Variants in SLIT3 observed in about 807,000 individuals in gnomAD.
The protein encoded by SLIT3 is slit homolog 3 protein.
SLIT3 carries 68 observed loss-of-function variants against 184.0 expected under a neutral mutation model. The observed-to-expected ratio is 0.37, with a 90% CI of 0.30 to 0.45. The LOEUF is 0.45. SLIT3 is among the 20% of genes least tolerant of loss of function. The pLI is 1.00. For missense variants in SLIT3, 1,707 were observed against 2,026.0 expected (o/e 0.84, Z 3.02); for synonymous variants, 831 against 828.6 (o/e 1.00, Z -0.05).
intron 5 of SLIT3, among the ~76,000 whole-genome samples, chr5:168,877,136 A>C (rs780185791): frequency 4.7e-4 from 72 of 152,348 alleles, no homozygotes; most frequent in South Asian, 1.0e-3. Context: ...TCCAGAGACA[A>C]GTAATAACAG....
At chr5:169,002,711 T>C (rs1422568978) in intron 4 of SLIT3, among the ~76,000 whole-genome samples, 1 of 152,214 alleles carries the variant, frequency 6.6e-6, no homozygotes, top group Non-Finnish European at 1.5e-5. Flanking sequence ...TTTTTCCGTG[T>C]TTTTCTTCCT....
chr5:169,107,962 C>A (rs1760279510), intron 4 of SLIT3, among the ~76,000 whole-genome samples: 1 of 152,196 alleles, frequency 6.6e-6, no homozygotes, highest in Admixed American at 6.5e-5. Flanking sequence ...TATCACCAAG[C>A]AGGATGTTCT....
chr5:169,024,571 C>G (rs1157107451), intron 4 of SLIT3: 1 of 152,146 alleles, frequency 6.6e-6, no homozygotes, highest in Non-Finnish European at 1.5e-5. Flanking sequence ...TCCTTGGTTT[C>G]CAGAGCAACA....
chr5:169,136,602 C>T (rs1232193876), intron 4 of SLIT3, among the ~76,000 whole-genome samples: 1 of 152,210 alleles, frequency 6.6e-6, no homozygotes, highest in African/African-American at 2.4e-5. Context: ...AACTGCTAAC[C>T]TGACCATCAT....
At position 169,140,480 on chromosome 5, in the gene SLIT3, CAAAAAAA is replaced by C. The variant is rs34881862; in HGVS notation, c.413+52992_413+52998del. Among the ~76,000 whole-genome samples, 5 of 46,924 alleles carry C rather than the reference CAAAAAAA, an allele frequency of 1.1e-4. 1 individual carries two copies. Among genetic ancestry groups the C allele is most frequent in the African/African-American group, 1.1e-4 (2 of 17,408 alleles). The allele number at this position is 46,924 out of a possible 152,430, so 30.8% of individuals were successfully genotyped here. ...GGGCAACAAGAGTGAAACTCTAACT[CAAAAAAA>C]AAAAAAAAAAAAAAAAAAAAAAGAC... On this transcript the variant is annotated intron_variant, in intron 4 of 35. Coordinates refer to ENST00000519560, the MANE Select transcript of SLIT3 (RefSeq NM_003062.4).
At chr5:169,181,468 G>A (rs1327863460) in intron 4 of SLIT3, among the ~76,000 whole-genome samples, 2 of 152,192 alleles carry the variant, frequency 1.3e-5, no homozygotes, top group Admixed American at 6.5e-5. Context: ...TTGGCCGGGT[G>A]CAGTGGCTCA....
At chr5:168,691,459 T>C (rs982462202) in intron 29 of SLIT3, among the ~76,000 whole-genome samples, 5 of 152,164 alleles carry the variant, frequency 3.3e-5, no homozygotes, top group Non-Finnish European at 7.4e-5. Flanking sequence ...ACAGGACAGA[T>C]TCTGGGTGAT....
rs555529066 is a variant in SLIT3 at position 169,009,861 on chromosome 5, A to T, written c.414-126525T>A. ...ACATAATTTTAATGATGGCTGGAACATATTTTGAACTATTAATTTATATTT... is the reference window on the plus strand; with the variant it reads ...ACATAATTTTAATGATGGCTGGAACTTATTTTGAACTATTAATTTATATTT... On this transcript the variant is annotated intron_variant, in intron 4 of 35. Transcript: ENST00000519560. 3.9e-5 allele frequency among the ~76,000 whole-genome samples: 6 copies of T among 152,374 alleles called. No homozygotes were observed. In the South Asian group the frequency reaches 1.0e-3, roughly 26 times the overall value.
intron 6 of SLIT3, among the ~76,000 whole-genome samples, chr5:168,838,452 A>G (rs562998983): frequency 1.3e-5 from 2 of 152,358 alleles, no homozygotes; most frequent in African/African-American, 2.4e-5. Context: ...TGGGACTCTA[A>G]CAAGATAATA....
chr5:168,883,661 A>G (rs1191776604), intron 4 of SLIT3, among the ~76,000 whole-genome samples: 1 of 146,276 alleles, frequency 6.8e-6, no homozygotes, highest in African/African-American at 2.5e-5. Flanking sequence ...CACCTCCCGG[A>G]GACAACCCCC....
chr5:168,995,416 G>C (rs1225232685), intron 4 of SLIT3: 1 of 152,232 alleles, frequency 6.6e-6, no homozygotes, highest in Non-Finnish European at 1.5e-5. Context: ...ATTACATTTA[G>C]TATCTATTCC....
chr5:168,820,253 G>A (rs893241605), intron 7 of SLIT3, among the ~76,000 whole-genome samples: 1 of 152,122 alleles, frequency 6.6e-6, no homozygotes, highest in Non-Finnish European at 1.5e-5. Context: ...GCTGTGCAGA[G>A]GCTCTTATCC....
At chr5:169,029,716 T>C (rs1686632875) in intron 4 of SLIT3, among the ~76,000 whole-genome samples, 1 of 152,198 alleles carries the variant, frequency 6.6e-6, no homozygotes, top group African/African-American at 2.4e-5. Flanking sequence ...AGGCCTTTCA[T>C]CTCAGTTACA....
chr5:168,705,972 G>T (rs1270773915), intron 26 of SLIT3, among the ~76,000 whole-genome samples: 1 of 152,222 alleles, frequency 6.6e-6, no homozygotes, highest in Non-Finnish European at 1.5e-5. Flanking sequence ...TGAGTGCCTG[G>T]CCTTTATTGA....
chr5:169,049,592 A>G (rs1225825089), intron 4 of SLIT3, among the ~76,000 whole-genome samples: 1 of 152,238 alleles, frequency 6.6e-6, no homozygotes, highest in African/African-American at 2.4e-5. Context: ...CAGGAACAGA[A>G]CATCAGAAAT....
intron 27 of SLIT3, among the ~76,000 whole-genome samples, chr5:168,696,846 A>T (rs2113269880): frequency 6.6e-6 from 1 of 152,284 alleles, no homozygotes; most frequent in South Asian, 2.1e-4. Flanking sequence ...ACAGCATAGT[A>T]AACATCCTCC....
At position 168,749,746 on chromosome 5, in the gene SLIT3, G is replaced by A. The variant is rs1273882785; in HGVS notation, c.1974-111C>T. On this transcript the variant is annotated intron_variant, in intron 18 of 35. Coordinates refer to ENST00000519560, the MANE Select transcript of SLIT3 (RefSeq NM_003062.4). ...GCCAGGAAGGAGGAGGTCTCAGGAA[G>A]GAAACGTAGGCTCTTCCCCAGATGC... 7 of 1,109,324 alleles carry A rather than the reference G, an allele frequency of 6.3e-6. No individual in the cohort carries two copies. The African/African-American group carries it at 9.3e-5, about 15-fold the overall frequency. 68.7% of individuals were successfully genotyped at this position (1,109,324 alleles called of 1,614,324 possible).
chr5:169,076,688 T>C (rs892609718), intron 4 of SLIT3, among the ~76,000 whole-genome samples: 1 of 152,162 alleles, frequency 6.6e-6, no homozygotes, highest in Non-Finnish European at 1.5e-5. Flanking sequence ...TTTTTGGAAA[T>C]TCTAGTCCTT....
chr5:168,893,004 G>A (rs1429718105), intron 4 of SLIT3, among the ~76,000 whole-genome samples: 6 of 152,174 alleles, frequency 3.9e-5, no homozygotes, highest in East Asian at 1.9e-4. Flanking sequence ...AACCACAGGC[G>A]TCTGATTCCA....
Sources: allele counts gnomAD v4.1 joint callset (sites outside exome capture counted in the v4.1 genomes callset), GRCh38; gene constraint gnomAD v4.1.1; transcripts MANE v1.5; gene names NCBI Gene and HGNC (gene_info 2026-07-23, HGNC 2026-07-21).